Variants in ADAM9 observed in about 807,000 individuals in gnomAD.
The protein encoded by ADAM9 is ADAM metallopeptidase domain 9.
A neutral mutation model predicts 108.1 loss-of-function variants in ADAM9; 54 were observed. That is an observed-to-expected ratio of 0.50 (90% CI 0.40 to 0.63). ADAM9 has a LOEUF of 0.63. Ranked by LOEUF, ADAM9 falls within the 20% of genes least tolerant of loss-of-function variation. ADAM9 has a pLI of 0.00. For synonymous variants in ADAM9, 316 were observed against 336.0 expected, an observed-to-expected ratio of 0.94 and a Z score of 0.65; for missense variants, 830 against 997.7, an observed-to-expected ratio of 0.83 and a Z score of 2.26.
chr8:39,046,190 C>T (rs148371629), intron 12 of ADAM9, among the ~76,000 whole-genome samples: 1 of 152,166 alleles, frequency 6.6e-6, no homozygotes, highest in African/African-American at 2.4e-5. Context: ...TTTTTCCTCA[C>T]TTGTTAAGCT....
intron 14 of ADAM9, among the ~76,000 whole-genome samples, chr8:39,063,780 G>A (rs1424907853): frequency 1.3e-5 from 2 of 152,080 alleles, no homozygotes; most frequent in Non-Finnish European, 2.9e-5. Context: ...CTTTATCAAA[G>A]TCTCCCCACA....
intron 11 of ADAM9, among the ~76,000 whole-genome samples, chr8:39,028,381 T>C (rs1836993137): frequency 6.6e-6 from 1 of 151,894 alleles, no homozygotes; most frequent in Admixed American, 6.6e-5. Flanking sequence ...AAAAATTAGG[T>C]ATGTAAGGAA....
intron 19 of ADAM9, among the ~76,000 whole-genome samples, chr8:39,090,738 C>T (rs1305192049): frequency 6.6e-6 from 1 of 152,188 alleles, no homozygotes; most frequent in East Asian, 1.9e-4. Context: ...ATCATACTTC[C>T]AACTGACCAG....
chr8:39,089,286 A>C (rs146697415), intron 18 of ADAM9, among the ~76,000 whole-genome samples: 1 of 152,100 alleles, frequency 6.6e-6, no homozygotes, highest in East Asian at 1.9e-4. Flanking sequence ...CTCATAGTAT[A>C]AAAAAATGTA....
At chr8:39,054,092 C>T (rs1359647287) in intron 12 of ADAM9, among the ~76,000 whole-genome samples, 1 of 152,118 alleles carries the variant, frequency 6.6e-6, no homozygotes, top group Non-Finnish European at 1.5e-5. Flanking sequence ...TATGTCAGCA[C>T]ACAGCAAGAA....
chr8:39,059,959 C>T (rs1588396215), intron 14 of ADAM9, among the ~76,000 whole-genome samples: 1 of 152,168 alleles, frequency 6.6e-6, no homozygotes, highest in Non-Finnish European at 1.5e-5. Flanking sequence ...TAACTTGTGC[C>T]TTCCAGGCCT....
intron 11 of ADAM9, among the ~76,000 whole-genome samples, chr8:39,038,037 A>G (rs1380977969): frequency 6.6e-6 from 1 of 152,070 alleles, no homozygotes; most frequent in Non-Finnish European, 1.5e-5. Flanking sequence ...CTTCATCTTA[A>G]TGGCTGTTCC....
chr8:39,040,287 G>C (rs560150555), intron 11 of ADAM9, among the ~76,000 whole-genome samples: 1 of 152,062 alleles, frequency 6.6e-6, no homozygotes, highest in Non-Finnish European at 1.5e-5. Flanking sequence ...GACCTCAAGC[G>C]ATCCGCCCGC....
Position 39,104,298 on chromosome 8 carries a change from A to G in ADAM9, c.*598A>G. ...AGATGTCATATTATTTTGAAAGTAC[A>G]AAATATACTAAAAGAGTGTGTGTGT... On this transcript the variant is annotated 3_prime_UTR_variant, in exon 22 of 22. Transcript: ENST00000487273. The G allele has an allele frequency of 2.2e-6, 1 of 452,970 alleles. No individual in the cohort carries two copies. Among genetic ancestry groups the G allele is most frequent in the South Asian group, 1.6e-5 (1 of 64,294 alleles). 28.1% of individuals were successfully genotyped at this position (452,970 alleles called of 1,614,324 possible).
chr8:39,102,240 C>G (rs989343956), intron 21 of ADAM9, among the ~76,000 whole-genome samples: 3 of 152,088 alleles, frequency 2.0e-5, no homozygotes, highest in Non-Finnish European at 4.4e-5. Context: ...GTTGGAACAG[C>G]CTTCCCGTCA....
At chr8:39,066,645 A>T (rs1341983063) in intron 14 of ADAM9, among the ~76,000 whole-genome samples, 1 of 152,126 alleles carries the variant, frequency 6.6e-6, no homozygotes, top group Admixed American at 6.5e-5. Context: ...TAGATTCTGG[A>T]TATTAGCCCT....
chr8:39,070,490 CA>C (rs1263328573), intron 14 of ADAM9, among the ~76,000 whole-genome samples: 1 of 152,040 alleles, frequency 6.6e-6, no homozygotes, highest in African/African-American at 2.4e-5. Context: ...CAAGTATTTC[CA>C]TTTTTAAAAC....
At chr8:39,028,143 A>C (rs971565525) in intron 11 of ADAM9, among the ~76,000 whole-genome samples, 3 of 152,148 alleles carry the variant, frequency 2.0e-5, no homozygotes, top group Non-Finnish European at 4.4e-5. Flanking sequence ...CCAAGTGTTC[A>C]TGCCACTTCC....
intron 7 of ADAM9, among the ~76,000 whole-genome samples, chr8:39,021,411 G>A (rs1836734733): frequency 6.6e-6 from 1 of 152,100 alleles, no homozygotes; most frequent in Non-Finnish European, 1.5e-5. Context: ...AGTCTCCTGA[G>A]TAGCTGGGAT....
intron 7 of ADAM9, among the ~76,000 whole-genome samples, chr8:39,019,422 C>T (rs564121597): frequency 6.6e-6 from 1 of 152,270 alleles, no homozygotes; most frequent in South Asian, 2.1e-4. Flanking sequence ...CTTATTTATA[C>T]TTAAGAAACT....
intron 18 of ADAM9, among the ~76,000 whole-genome samples, chr8:39,084,897 G>A (rs930889620): frequency 1.3e-5 from 2 of 151,966 alleles, no homozygotes; most frequent in Non-Finnish European, 2.9e-5. Context: ...TAAACACTTA[G>A]AATTATTCTA....
At position 39,019,055 on chromosome 8, in the gene ADAM9, T is replaced by C. The variant is rs188978439; in HGVS notation, c.672+137T>C. On this transcript the variant is annotated intron_variant, in intron 7 of 21. Coordinates refer to ENST00000487273, the MANE Select transcript of ADAM9 (RefSeq NM_003816.3). ...GATTTTAAAACTAAAATGGTTTTTT[T>C]CCCTTAAACTTTATACCACCAGAAT... The C allele has an allele frequency of 2.8e-3, 2,356 of 855,672 alleles. 15 individuals carry two copies. The highest frequency in any genetic ancestry group is 2.3e-3 in the Non-Finnish European group (1,218 of 534,996). The allele number at this position is 855,672 out of a possible 1,614,324, so 53.0% of individuals were successfully genotyped here.
At chr8:39,019,518 G>A (rs1250642973) in intron 7 of ADAM9, among the ~76,000 whole-genome samples, 1 of 152,156 alleles carries the variant, frequency 6.6e-6, no homozygotes, top group African/African-American at 2.4e-5. Context: ...GATAATGGCT[G>A]TATAATTTAT....
intron 11 of ADAM9, 148 bp from the exon 12 acceptor site, chr8:39,041,798 T>A (rs75868654): frequency 1.5e-6 from 1 of 680,140 alleles, no homozygotes; most frequent in East Asian, 2.7e-5. Flanking sequence ...TTATCACAAG[T>A]AGATATGAAT....
Sources: gnomAD v4.1 joint callset for allele counts (sites outside exome capture counted in the v4.1 genomes callset) on GRCh38, gnomAD v4.1.1 for gene constraint, MANE v1.5 for transcripts, NCBI Gene and HGNC (gene_info 2026-07-23, HGNC 2026-07-21) for gene names.